Variants in ELP4 observed in about 807,000 individuals in gnomAD.
ELP4 encodes elongator complex protein 4.
ELP4 carries 51 observed loss-of-function variants against 48.9 expected under a neutral mutation model. That is an observed-to-expected ratio of 1.04 (90% confidence interval 0.83 to 1.32). ELP4 has a LOEUF of 1.32. Ranked by LOEUF, ELP4 falls within the 40% of genes most tolerant of loss-of-function variation. The probability of loss-of-function intolerance (pLI) is 0.00; values close to 1 mark genes in which losing one functional copy is unlikely to be tolerated. For synonymous variants in ELP4, 210 were observed against 189.2 expected, an observed-to-expected ratio of 1.11 and a Z score of -0.90; for missense variants, 519 against 514.6, an observed-to-expected ratio of 1.01 and a Z score of -0.08.
intron 9 of ELP4, among the ~76,000 whole-genome samples, chr11:31,675,134 A>G (rs554176496): frequency 1.3e-5 from 2 of 152,328 alleles, no homozygotes; most frequent in East Asian, 3.9e-4. Flanking sequence ...CTTAGCATGT[A>G]GGAAAAATCA....
intron 9 of ELP4, among the ~76,000 whole-genome samples, chr11:31,669,869 A>G (rs1392567938): frequency 6.6e-6 from 1 of 152,152 alleles, no homozygotes; most frequent in East Asian, 1.9e-4. Context: ...TTCCCTAATT[A>G]CCAAACTATA....
chr11:31,737,502 G>A (rs1324692957), intron 9 of ELP4, among the ~76,000 whole-genome samples: 1 of 151,716 alleles, frequency 6.6e-6, no homozygotes, highest in Non-Finnish European at 1.5e-5. Context: ...AAAAATAAAA[G>A]CTTCTGCACC....
chr11:31,615,107 G>A (rs1439844281), intron 5 of ELP4, among the ~76,000 whole-genome samples: 2 of 152,010 alleles, frequency 1.3e-5, no homozygotes, highest in East Asian at 3.9e-4. Flanking sequence ...TTATTAAGAA[G>A]TGATAAGTCA....
chr11:31,645,800 T>G (rs1328759547), intron 7 of ELP4: 1 of 151,674 alleles, frequency 6.6e-6, no homozygotes, highest in Non-Finnish European at 1.5e-5. Flanking sequence ...TATCCATGAT[T>G]CTTCTTAATG....
At chr11:31,727,032 T>G (rs1361654333) in intron 9 of ELP4, among the ~76,000 whole-genome samples, 1 of 152,140 alleles carries the variant, frequency 6.6e-6, no homozygotes, top group Non-Finnish European at 1.5e-5. Context: ...CAAGAATAAG[T>G]AGCTCAAATT....
intron 9 of ELP4, among the ~76,000 whole-genome samples, chr11:31,698,438 G>C (rs187503682): frequency 2.0e-5 from 3 of 151,906 alleles, no homozygotes; most frequent in Admixed American, 6.6e-5. Flanking sequence ...TTTGAGACAG[G>C]GTTTCACTTT....
intron 2 of ELP4, among the ~76,000 whole-genome samples, chr11:31,523,178 C>G (rs1956243690): frequency 6.6e-6 from 1 of 152,002 alleles, no homozygotes; most frequent in Non-Finnish European, 1.5e-5. Flanking sequence ...GGCCCCAGTT[C>G]TCTACTTTTC....
Position 31,746,340 on chromosome 11 carries a change from C to G in ELP4, c.1144-37053C>G, listed in dbSNP as rs563494474. On this transcript the variant is annotated intron_variant, in intron 9 of 9. Coordinates refer to ENST00000640961, the MANE Select transcript of ELP4 (RefSeq NM_019040.5). ...TGGAAGTCAGTGTGGTGATTCCTCA[C>G]GGATCTAGAACTAGAAATACCATTT... 2.6e-3 allele frequency among the ~76,000 whole-genome samples: 393 copies of G among 152,200 alleles called. 1 individual carries two copies. Among genetic ancestry groups the G allele is most frequent in the African/African-American group, 8.4e-3 (351 of 41,546 alleles).
chr11:31,580,549 TATA>T (rs1957371967), intron 3 of ELP4: 1 of 151,804 alleles, frequency 6.6e-6, no homozygotes, highest in Non-Finnish European at 1.5e-5. Flanking sequence ...TCAGCTCTCA[TATA>T]ATACCATTCA....
At chr11:31,600,300 C>T (rs1957757322) in intron 4 of ELP4, 1 of 152,138 alleles carries the variant, frequency 6.6e-6, no homozygotes, top group Non-Finnish European at 1.5e-5. Flanking sequence ...ATTCCTGACT[C>T]ACTCCATGAA....
intron 3 of ELP4, among the ~76,000 whole-genome samples, chr11:31,569,874 GA>G (rs1286281044): frequency 6.6e-6 from 1 of 152,154 alleles, no homozygotes; most frequent in Non-Finnish European, 1.5e-5. Flanking sequence ...ATGTTTGTGG[GA>G]TTTTGAAGAA....
intron 9 of ELP4, among the ~76,000 whole-genome samples, chr11:31,743,529 T>G (rs1436161403): frequency 2.6e-5 from 4 of 151,758 alleles, no homozygotes; most frequent in Non-Finnish European, 5.9e-5. Flanking sequence ...TAAAAGAACA[T>G]AAATTATAAC....
At chr11:31,733,999 C>G (rs1270177814) in intron 9 of ELP4, among the ~76,000 whole-genome samples, 1 of 152,150 alleles carries the variant, frequency 6.6e-6, no homozygotes, top group Non-Finnish European at 1.5e-5. Context: ...TTCAACAACA[C>G]AGTAAAAGAA....
intron 3 of ELP4, among the ~76,000 whole-genome samples, chr11:31,556,923 A>G (rs1401679798): frequency 6.6e-6 from 1 of 151,924 alleles, no homozygotes. Context: ...ATATTTTAAC[A>G]TCAAATATAA....
Position 31,620,806 on chromosome 11 carries a change from G to A in ELP4, c.654-6304G>A, listed in dbSNP as rs528461384. 2.6e-5 allele frequency among the ~76,000 whole-genome samples: 4 copies of A among 151,980 alleles called. No homozygotes were observed. The South Asian group carries it at 8.3e-4, about 32-fold the overall frequency. On this transcript the variant is annotated intron_variant, in intron 5 of 9. Coordinates refer to ENST00000640961, the MANE Select transcript of ELP4 (RefSeq NM_019040.5). ...TGCTTAGACCATACATGTAATTTGT[G>A]CATCCTCATAGTTCTTAGTATTTTC... is the stretch of plus-strand genomic sequence containing the variant.
chr11:31,722,212 A>T (rs903985340), intron 9 of ELP4, among the ~76,000 whole-genome samples: 1 of 152,188 alleles, frequency 6.6e-6, no homozygotes, highest in African/African-American at 2.4e-5. Flanking sequence ...GAAAACTCTT[A>T]ATATATTATT....
Position 31,632,323 on chromosome 11 carries a change from C to A in ELP4, c.845C>A (p.Thr282Asn). The change falls in exon 7 of 10, where the codon ACC (threonine) becomes AAC (asparagine). Residue 282 changes from threonine (T) to asparagine (N), a missense_variant. Thr to Asn is a moderately conservative substitution (Grantham distance 65). Coordinates refer to ENST00000640961, the MANE Select transcript of ELP4 (RefSeq NM_019040.5). ...AENGGNSHSL[T>N]KFLYVLRGLL... ...AATGGTGGCAACAGTCACAGCCTTA[C>A]CAAGTTCCTCTATGTTCTCCGTGGT... 7 of 1,613,418 alleles carry A rather than the reference C, an allele frequency of 4.3e-6. No individual in the cohort carries two copies. Among genetic ancestry groups the A allele is most frequent in the Non-Finnish European group, 5.9e-6 (7 of 1,179,660 alleles).
At chr11:31,598,903 T>G (rs1237327868) in intron 4 of ELP4, 1 of 152,228 alleles carries the variant, frequency 6.6e-6, no homozygotes, top group African/African-American at 2.4e-5. Flanking sequence ...TTTTTTCATT[T>G]TCTTAGGTCT....
intron 9 of ELP4, among the ~76,000 whole-genome samples, chr11:31,693,187 C>A (rs1946319008): frequency 6.6e-6 from 1 of 151,966 alleles, no homozygotes; most frequent in Admixed American, 6.6e-5. Context: ...ACTTTAAGTT[C>A]TAGGGTACAT....
Sources: allele counts gnomAD v4.1 joint callset (sites outside exome capture counted in the v4.1 genomes callset), GRCh38; gene constraint gnomAD v4.1.1; transcripts MANE v1.5; gene names NCBI Gene and HGNC (gene_info 2026-07-23, HGNC 2026-07-21).